Variants in TOM1L2 observed in about 807,000 individuals in gnomAD.
TOM1L2 encodes the protein TOM1-like protein 2.
In TOM1L2, 31 loss-of-function variants were observed where a neutral mutation model predicts 67.9. The observed-to-expected ratio is 0.46, with a 90% CI of 0.34 to 0.62. The LOEUF is 0.62. Among genes scored for constraint, TOM1L2 ranks in the 20% least tolerant of loss-of-function variants. TOM1L2 has a pLI of 0.01. For missense variants in TOM1L2, 606 were observed against 663.5 expected (o/e 0.91, Z 0.95); for synonymous variants, 256 against 254.0 (o/e 1.01, Z -0.07).
chr17:17,910,468 C>A (rs1365577156), intron 1 of TOM1L2, among the ~76,000 whole-genome samples: 1 of 152,184 alleles, frequency 6.6e-6, no homozygotes, highest in South Asian at 2.1e-4. Flanking sequence ...ACACGAGAAC[C>A]ACCTGGGGAG....
intron 1 of TOM1L2, among the ~76,000 whole-genome samples, chr17:17,917,018 G>T (rs148310920): frequency 1.3e-3 from 203 of 152,142 alleles, no homozygotes; most frequent in African/African-American, 4.7e-3. Context: ...AAATTAGCTG[G>T]GCGCAGGGGC....
At chr17:17,888,668 T>C (rs2038113432) in intron 4 of TOM1L2, among the ~76,000 whole-genome samples, 1 of 152,202 alleles carries the variant, frequency 6.6e-6, no homozygotes, top group Admixed American at 6.5e-5. Context: ...ATCAGTTCAC[T>C]TTCTTCAGTG....
chr17:17,891,550 C>A (rs183840182), intron 4 of TOM1L2, among the ~76,000 whole-genome samples: 16 of 152,324 alleles, frequency 1.1e-4, no homozygotes. Flanking sequence ...GCAGTTCACA[C>A]CCCTTGTGAT....
chr17:17,950,799 A>G (rs2041169390), intron 1 of TOM1L2, among the ~76,000 whole-genome samples: 1 of 152,258 alleles, frequency 6.6e-6, no homozygotes. Context: ...AATCTGTGAC[A>G]GCATAGGTGG....
At chr17:17,865,080 A>G (rs1360440936) in intron 10 of TOM1L2, among the ~76,000 whole-genome samples, 1 of 152,260 alleles carries the variant, frequency 6.6e-6, no homozygotes, top group African/African-American at 2.4e-5. Flanking sequence ...ATAAATTGGT[A>G]TCATCCAGTA....
intron 1 of TOM1L2, among the ~76,000 whole-genome samples, chr17:17,923,323 C>T (rs1343917083): frequency 6.6e-6 from 1 of 152,040 alleles, no homozygotes; most frequent in East Asian, 1.9e-4. Context: ...ATCACTTGAA[C>T]CCGGGAGGTG....
intron 2 of TOM1L2, among the ~76,000 whole-genome samples, chr17:17,900,745 A>G (rs2038813658): frequency 6.6e-6 from 1 of 152,186 alleles, no homozygotes; most frequent in African/African-American, 2.4e-5. Flanking sequence ...TACGGCTGCC[A>G]TTTCCAAAAG....
chr17:17,861,496 G>T lies in TOM1L2; in HGVS notation c.1258C>A (p.Arg420=). The change falls in exon 12 of 15, where the codon CGA becomes AGA. Residue 420 remains arginine, a synonymous_variant. Transcript: ENST00000379504. ...VGGLASALDN[R]KQSSEGIPVA... ...CCTACCCCTTCTGAACTCTGTTTTC[G>T]ATTGTCTAGTGCAGAAGCAAGTCCT... 3 of 1,614,028 alleles carry T rather than the reference G, an allele frequency of 1.9e-6. No homozygotes were observed. The highest frequency in any genetic ancestry group is 8.5e-7 in the Non-Finnish European group (1 of 1,179,976).
intron 12 of TOM1L2, chr17:17,858,131 G>A (rs946170741): frequency 2.4e-5 from 7 of 286,116 alleles, no homozygotes; most frequent in African/African-American, 1.5e-4. Flanking sequence ...GACCAGAGCC[G>A]CTTCTCTCAA....
chr17:17,853,452 CTGG>C (rs2036100098), intron 12 of TOM1L2, among the ~76,000 whole-genome samples: 1 of 152,144 alleles, frequency 6.6e-6, no homozygotes, highest in African/African-American at 2.4e-5. Flanking sequence ...CCCTTGAGGC[CTGG>C]GGTCATACTT....
intron 9 of TOM1L2, 138 bp from the exon 10 acceptor site, chr17:17,866,557 C>G: frequency 8.6e-7 from 1 of 1,164,718 alleles, no homozygotes; most frequent in South Asian, 1.7e-5. Flanking sequence ...GGCCACTTCC[C>G]CCACCTGCCT....
intron 1 of TOM1L2, among the ~76,000 whole-genome samples, chr17:17,964,897 G>A (rs770677720): frequency 2.6e-5 from 4 of 152,232 alleles, no homozygotes; most frequent in Non-Finnish European, 5.9e-5. Context: ...AGCAGGAGGA[G>A]GAGCAGGCTG....
intron 4 of TOM1L2, among the ~76,000 whole-genome samples, chr17:17,891,781 A>G (rs2038290489): frequency 7.8e-6 from 1 of 127,886 alleles, no homozygotes; most frequent in Non-Finnish European, 1.6e-5. Flanking sequence ...AAGTGCATGC[A>G]CACGTGTGTG....
chr17:17,961,639 C>T (rs561389300), intron 1 of TOM1L2, among the ~76,000 whole-genome samples: 36 of 152,020 alleles, frequency 2.4e-4, no homozygotes, highest in African/African-American at 5.5e-4. Flanking sequence ...TTTGGGAGGC[C>T]GAGGCGGGCG....
At chr17:17,850,627 C>T (rs746388369) in intron 13 of TOM1L2, among the ~76,000 whole-genome samples, 16 of 152,200 alleles carry the variant, frequency 1.1e-4, no homozygotes, top group East Asian at 1.9e-4. Context: ...GAGCCAGCTA[C>T]GGCTAGGACT....
chr17:17,862,640 TA>T, intron 11 of TOM1L2, 90 bp downstream of exon 11: 1 of 1,090,880 alleles, frequency 9.2e-7, no homozygotes. Context: ...CTGGACATGG[TA>T]AATAAATGCC....
chr17:17,900,144 C>T lies in TOM1L2; in HGVS notation c.138-1470G>A, dbSNP rs529807170. ...AGGAGAATCGCTTGAACCTGGGAGA[C>T]GGAGGTTGCAGTGAGCTGAGATCAC... On this transcript the variant is annotated intron_variant, in intron 2 of 14. Coordinates refer to ENST00000379504, the MANE Select transcript of TOM1L2 (RefSeq NM_001082968.2). 5.2e-4 allele frequency among the ~76,000 whole-genome samples: 79 copies of T among 151,862 alleles called. 1 individual carries two copies. The South Asian group carries it at 0.011, about 22-fold the overall frequency.
At chr17:17,854,175 A>AT (rs1325281604) in intron 12 of TOM1L2, among the ~76,000 whole-genome samples, 18 of 152,374 alleles carry the variant, frequency 1.2e-4, no homozygotes, top group African/African-American at 4.1e-4. Flanking sequence ...CTTGAGTATT[A>AT]TAACAGGGCA....
intron 1 of TOM1L2, among the ~76,000 whole-genome samples, chr17:17,957,839 C>T (rs1042096376): frequency 1.3e-4 from 19 of 151,868 alleles, no homozygotes; most frequent in Non-Finnish European, 2.6e-4. Context: ...TGGTGGCTCA[C>T]GACTGTAATC....
Sources: gnomAD v4.1 joint callset for allele counts (sites outside exome capture counted in the v4.1 genomes callset) on GRCh38, gnomAD v4.1.1 for gene constraint, MANE v1.5 for transcripts, NCBI Gene and HGNC (gene_info 2026-07-23, HGNC 2026-07-21) for gene names.